Variants in TAFA1 observed in about 807,000 individuals in gnomAD.
TAFA1 encodes TAFA chemokine like family member 1.
TAFA1 carries 4 observed loss-of-function variants against 18.5 expected under a neutral mutation model. That is an observed-to-expected ratio of 0.22 (90% CI 0.11 to 0.49). The LOEUF (loss-of-function observed/expected upper bound fraction) is 0.49, where lower values mean the gene tolerates loss of function less well. Ranked by LOEUF, TAFA1 falls within the 20% of genes least tolerant of loss-of-function variation. The probability of loss-of-function intolerance (pLI) is 0.98; values close to 1 mark genes in which losing one functional copy is unlikely to be tolerated. For synonymous variants in TAFA1, 56 were observed against 55.2 expected, an observed-to-expected ratio of 1.01 and a Z score of -0.06; for missense variants, 147 against 169.0, an observed-to-expected ratio of 0.87 and a Z score of 0.72.
chr3:68,356,302 CAT>C, intron 2 of TAFA1, among the ~76,000 whole-genome samples: 1 of 151,948 alleles, frequency 6.6e-6, no homozygotes, highest in African/African-American at 2.4e-5. Context: ...TCAGTTTCCT[CAT>C]ATATATTATA....
At chr3:68,043,180 G>A (rs193018702) in intron 2 of TAFA1, among the ~76,000 whole-genome samples, 1 of 152,074 alleles carries the variant, frequency 6.6e-6, no homozygotes, top group Non-Finnish European at 1.5e-5. Context: ...CCTATATTAT[G>A]CCATTCTGAG....
chr3:68,210,155 G>T (rs1370097945), intron 2 of TAFA1, among the ~76,000 whole-genome samples: 3 of 151,970 alleles, frequency 2.0e-5, no homozygotes, highest in African/African-American at 7.2e-5. Context: ...CCTTCCATTT[G>T]TTTTACCTTA....
At chr3:68,357,658 A>G (rs1285030730) in intron 2 of TAFA1, among the ~76,000 whole-genome samples, 2 of 151,876 alleles carry the variant, frequency 1.3e-5, no homozygotes, top group Non-Finnish European at 2.9e-5. Flanking sequence ...GACTAGACAC[A>G]GGGGGAGAAA....
At chr3:68,455,305 G>T (rs778832510) in intron 3 of TAFA1, among the ~76,000 whole-genome samples, 1 of 151,768 alleles carries the variant, frequency 6.6e-6, no homozygotes, top group African/African-American at 2.4e-5. Flanking sequence ...GGAGAGGCAG[G>T]CATACTTGAT....
At chr3:68,021,403 T>G (rs1191667482) in intron 2 of TAFA1, among the ~76,000 whole-genome samples, 1 of 152,150 alleles carries the variant, frequency 6.6e-6, no homozygotes, top group Non-Finnish European at 1.5e-5. Context: ...GCTGAAATCT[T>G]ACAGTGTGTA....
chr3:68,336,426 A>T (rs571862005), intron 2 of TAFA1, among the ~76,000 whole-genome samples: 4 of 152,186 alleles, frequency 2.6e-5, no homozygotes, highest in Admixed American at 6.5e-5. Flanking sequence ...AGAATTATCT[A>T]TATCTTATTT....
chr3:68,357,271 C>T (rs1334425273), intron 2 of TAFA1, among the ~76,000 whole-genome samples: 1 of 151,790 alleles, frequency 6.6e-6, no homozygotes, highest in Non-Finnish European at 1.5e-5. Context: ...TTGAGTGGAA[C>T]CTTGTCTATC....
chr3:68,031,513 A>G lies in TAFA1; in HGVS notation c.118+24769A>G, dbSNP rs139456560. Among the ~76,000 whole-genome samples the G allele has an allele frequency of 8.6e-4, 131 of 152,302 alleles. 3 individuals are homozygous for G. In the East Asian group the frequency reaches 0.023, roughly 26 times the overall value. ...GCTGAGTAAAGGTGTGAGGACAAAGAAAGAATAATCATTCCAATCTAGAAG... is the reference window on the plus strand; with the variant it reads ...GCTGAGTAAAGGTGTGAGGACAAAGGAAGAATAATCATTCCAATCTAGAAG... On this transcript the variant is annotated intron_variant, in intron 2 of 4. Coordinates refer to ENST00000478136, the MANE Select transcript of TAFA1 (RefSeq NM_213609.4).
chr3:68,135,004 T>A (rs2065589452), intron 2 of TAFA1, among the ~76,000 whole-genome samples: 1 of 152,222 alleles, frequency 6.6e-6, no homozygotes, highest in African/African-American at 2.4e-5. Flanking sequence ...AGTATGTGAT[T>A]TCTATCTTCT....
At chr3:68,069,167 T>G (rs1177161514) in intron 2 of TAFA1, among the ~76,000 whole-genome samples, 1 of 152,188 alleles carries the variant, frequency 6.6e-6, no homozygotes, top group Non-Finnish European at 1.5e-5. Context: ...GGTGTATTAG[T>G]CCATTTTCAC....
intron 2 of TAFA1, among the ~76,000 whole-genome samples, chr3:68,148,285 T>C (rs1340079639): frequency 6.6e-6 from 1 of 152,246 alleles, no homozygotes; most frequent in Non-Finnish European, 1.5e-5. Flanking sequence ...TGACGTAGCA[T>C]AGCAGTCTGT....
At chr3:68,214,480 C>T (rs2066631483) in intron 2 of TAFA1, among the ~76,000 whole-genome samples, 2 of 152,024 alleles carry the variant, frequency 1.3e-5, no homozygotes, top group African/African-American at 4.8e-5. Flanking sequence ...GGCCACCTAA[C>T]TCTGTGATTT....
chr3:68,304,626 G>A (rs1356417727), intron 2 of TAFA1, among the ~76,000 whole-genome samples: 1 of 152,108 alleles, frequency 6.6e-6, no homozygotes, highest in African/African-American at 2.4e-5. Context: ...CATTGTTTCA[G>A]ACTATTATGT....
intron 2 of TAFA1, among the ~76,000 whole-genome samples, chr3:68,032,175 C>T (rs1174202787): frequency 6.6e-6 from 1 of 152,014 alleles, no homozygotes; most frequent in Non-Finnish European, 1.5e-5. Context: ...ATATGAGATT[C>T]ATTAGTTGAA....
intron 2 of TAFA1, among the ~76,000 whole-genome samples, chr3:68,055,281 G>C (rs1229486743): frequency 6.6e-6 from 1 of 152,144 alleles, no homozygotes; most frequent in African/African-American, 2.4e-5. Flanking sequence ...GTCATCGGTA[G>C]ATACTCATGT....
chr3:68,019,572 A>T (rs1032972927), intron 2 of TAFA1, among the ~76,000 whole-genome samples: 1 of 152,204 alleles, frequency 6.6e-6, no homozygotes. Context: ...ATTATCTAGA[A>T]TATTGTATAA....
intron 2 of TAFA1, among the ~76,000 whole-genome samples, chr3:68,061,800 G>A (rs746358818): frequency 1.3e-5 from 2 of 152,126 alleles, no homozygotes; most frequent in Non-Finnish European, 2.9e-5. Flanking sequence ...TTGAGGATGA[G>A]GTCATCTTTC....
chr3:68,084,533 C>T (rs1575608226), intron 2 of TAFA1, among the ~76,000 whole-genome samples: 1 of 152,188 alleles, frequency 6.6e-6, no homozygotes, highest in Admixed American at 6.5e-5. Flanking sequence ...CATGGTGGCT[C>T]ACGCCTGTAA....
intron 2 of TAFA1, among the ~76,000 whole-genome samples, chr3:68,101,987 C>A (rs992644261): frequency 6.6e-6 from 1 of 152,022 alleles, no homozygotes; most frequent in Non-Finnish European, 1.5e-5. Context: ...CTTCAAGGTG[C>A]GGTAGGGTCA....
Sources: gnomAD v4.1 joint callset for allele counts (sites outside exome capture counted in the v4.1 genomes callset) on GRCh38, gnomAD v4.1.1 for gene constraint, MANE v1.5 for transcripts, NCBI Gene and HGNC (gene_info 2026-07-23, HGNC 2026-07-21) for gene names.